Variants in ADAT3 observed in about 807,000 individuals in gnomAD.
ADAT3 encodes the protein tRNA-specific adenosine-34 deaminase regulatory subunit ADAT3.
ADAT3 carries 2 observed loss-of-function variants against 3.5 expected under a neutral mutation model. The observed-to-expected ratio is 0.57, with a 90% CI of 0.23 to 1.79. The LOEUF (loss-of-function observed/expected upper bound fraction) is 1.79, where lower values mean the gene tolerates loss of function less well. Ranked by LOEUF, ADAT3 falls within the 40% of genes most tolerant of loss-of-function variation. The pLI is 0.18. For missense variants in ADAT3, 735 were observed against 571.4 expected, an observed-to-expected ratio of 1.29 and a Z score of -2.92; for synonymous variants, 358 against 270.3, an observed-to-expected ratio of 1.32 and a Z score of -3.18.
chr19:1,910,789 C>A (rs1206506981), intron 1 of ADAT3, among the ~76,000 whole-genome samples: 1 of 151,456 alleles, frequency 6.6e-6, no homozygotes, highest in Non-Finnish European at 1.5e-5. Context: ...GTTGGTCAGG[C>A]TGGTCTCGAT....
chr19:1,905,531 G>A, intron 1 of ADAT3, 92 bp downstream of exon 1: 1 of 349,748 alleles, frequency 2.9e-6, no homozygotes, highest in South Asian at 1.9e-5. Flanking sequence ...CGGCGGTGAG[G>A]GGCGCCGGCC....
At chr19:1,907,397 A>T (rs2013183511) in intron 1 of ADAT3, among the ~76,000 whole-genome samples, 1 of 151,468 alleles carries the variant, frequency 6.6e-6, no homozygotes, top group Non-Finnish European at 1.5e-5. Context: ...GCCTTAAAAA[A>T]AAAAAAAAGG....
chr19:1,909,577 T>C (rs985019641), intron 1 of ADAT3, among the ~76,000 whole-genome samples: 3 of 99,788 alleles, frequency 3.0e-5, no homozygotes, highest in Non-Finnish European at 5.6e-5. Flanking sequence ...TGTCTTCACC[T>C]GTGCCAGCAG....
chr19:1,913,167 C>T lies in ADAT3; in HGVS notation c.*16C>T, dbSNP rs760052571. On this transcript the variant is annotated 3_prime_UTR_variant, in exon 2 of 2. Transcript: ENST00000329478. ...CGACACGTAGGCGCCGCCCTCCTGC[C>T]TCCGGACCCTTCCCGCTCCCGGCCG... 13 of 1,506,750 alleles carry T rather than the reference C, an allele frequency of 8.6e-6. No individual in the cohort carries two copies. The African/African-American group carries it at 1.1e-4, about 13-fold the overall frequency. The allele number at this position is 1,506,750 out of a possible 1,614,324, so 93.3% of individuals were successfully genotyped here.
rs1216991983 is a variant in ADAT3 at position 1,912,596 on chromosome 19, G to A, written c.549G>A (p.Thr183=). 9 of 1,489,130 alleles carry A rather than the reference G, an allele frequency of 6.0e-6. No homozygotes were observed. The highest frequency in any genetic ancestry group is 1.5e-5 in the African/African-American group (1 of 68,386). 92.2% of individuals were successfully genotyped at this position (1,489,130 alleles called of 1,614,324 possible). Residue 183 remains threonine, a synonymous_variant, in exon 2 of 2, where the codon ACG becomes ACA. Coordinates refer to ENST00000329478, the MANE Select transcript of ADAT3 (RefSeq NM_138422.4). ...TSALAGRLFS[T]QERAAMQSHM... The stretch of plus-strand genomic sequence containing the variant: ...CCCTGGCTGGGCGGCTCTTCTCCAC[G>A]CAGGAGCGCGCCGCCATGCAGAGCC...
intron 1 of ADAT3, among the ~76,000 whole-genome samples, chr19:1,909,776 A>G (rs2013340210): frequency 6.6e-6 from 1 of 152,198 alleles, no homozygotes; most frequent in African/African-American, 2.4e-5. Flanking sequence ...GTGACTGAGT[A>G]AGCAGGGACA....
At chr19:1,909,888 T>C (rs920015092) in intron 1 of ADAT3, among the ~76,000 whole-genome samples, 4 of 152,218 alleles carry the variant, frequency 2.6e-5, no homozygotes, top group African/African-American at 9.6e-5. Flanking sequence ...GGGGCTGCGC[T>C]CCGGGGCTTA....
chr19:1,912,017 C>G lies in ADAT3; in HGVS notation c.-31C>G. ...CCACGGCCTCCCGGGACGGACTCCC[C>G]GGCTCTCCCCCAGCCGCCCGCAGCC... On this transcript the variant is annotated 5_prime_UTR_variant, in exon 2 of 2. Transcript: ENST00000329478. 1 of 1,419,280 alleles carries G rather than the reference C, an allele frequency of 7.0e-7. No homozygotes were observed. The highest frequency in any genetic ancestry group is 1.5e-5 in the South Asian group (1 of 65,676). 87.9% of individuals were successfully genotyped at this position (1,419,280 alleles called of 1,614,324 possible). A position where few individuals can be genotyped will look rare whatever the true frequency, so the allele number is the denominator to read the frequency against.
At chr19:1,911,697 A>T (rs988779107) in intron 1 of ADAT3, among the ~76,000 whole-genome samples, 193 bp from the exon 2 acceptor site, 1 of 152,288 alleles carries the variant, frequency 6.6e-6, no homozygotes, top group African/African-American at 2.4e-5. Context: ...GCATGAGAAT[A>T]GCTTGAACCC....
chr19:1,912,366 G>C lies in ADAT3; in HGVS notation c.319G>C (p.Glu107Gln). 1 of 1,527,154 alleles carries C rather than the reference G, an allele frequency of 6.5e-7. No individual in the cohort carries two copies. The highest frequency in any genetic ancestry group is 2.6e-5 in the East Asian group (1 of 38,920). 94.6% of individuals were successfully genotyped at this position (1,527,154 alleles called of 1,614,324 possible). ...CGATGCCGGCAGCCCCCACGCCCTG[G>C]AGATGCTGCTTTGCCTGGCTGGGCC... ...SRDAGSPHAL[E>Q]MLLCLAGPAS... Residue 107 changes from glutamate to glutamine, a missense_variant, in exon 2 of 2, where the codon GAG becomes CAG. Coordinates refer to ENST00000329478, the MANE Select transcript of ADAT3 (RefSeq NM_138422.4).
intron 1 of ADAT3, among the ~76,000 whole-genome samples, chr19:1,907,445 A>AG (rs1459360063): frequency 6.6e-6 from 1 of 150,422 alleles, no homozygotes; most frequent in African/African-American, 2.4e-5. Context: ...GTGGAAGCCG[A>AG]GGCTTGGAGG....
At chr19:1,911,644 G>A (rs758938145) in intron 1 of ADAT3, among the ~76,000 whole-genome samples, 5 of 152,164 alleles carry the variant, frequency 3.3e-5, no homozygotes, top group Non-Finnish European at 7.3e-5. Flanking sequence ...TTAGTCGGGC[G>A]TGGTGGCGCA....
rs756306772 is a variant in ADAT3, at chr19:1,908,538, A to G, written c.-159+3099A>G. On this transcript the variant is annotated intron_variant, in intron 1 of 1. Transcript: ENST00000329478. This position sits in a 1 kb window ranked among gnomAD's most constrained non-coding sequence, Gnocchi z 4.2. ...GATGTGTAGTCCAGGCTGGCAGTTCAGGATCACCCGGCTGGAGTCATTTTA... is the reference window on the plus strand; with the variant it reads ...GATGTGTAGTCCAGGCTGGCAGTTCGGGATCACCCGGCTGGAGTCATTTTA... 8.5e-6 allele frequency: 4 copies of G among 471,184 alleles called. No homozygotes were observed. The highest frequency in any genetic ancestry group is 6.5e-4 in the Middle Eastern group (2 of 3,078). The allele number at this position is 471,184 out of a possible 1,614,324, so 29.2% of individuals were successfully genotyped here. A position where few individuals can be genotyped will look rare whatever the true frequency, so the allele number is the denominator to read the frequency against.
chr19:1,912,962 G>A lies in ADAT3; in HGVS notation c.915G>A (p.Glu305=). Residue 305 remains glutamate (E), a synonymous_variant, in exon 2 of 2, where the codon GAG becomes GAA. Coordinates refer to ENST00000329478, the MANE Select transcript of ADAT3 (RefSeq NM_138422.4). ...CTGYDLYVTR[E]PCAMCAMALV... ...GCTACGACCTGTACGTGACCCGCGA[G>A]CCCTGCGCCATGTGCGCCATGGCCC... 1.2e-6 allele frequency: 2 copies of A among 1,610,198 alleles called. No homozygotes were observed. Among genetic ancestry groups the A allele is most frequent in the Non-Finnish European group, 1.7e-6 (2 of 1,179,370 alleles).
Position 1,913,376 on chromosome 19 carries a change from C to A in ADAT3, c.*225C>A. ...CGGTGCCCTTCTGCGGCCGCCCTTG[C>A]TGCGTTTGTGTCCCCTCTGTCTCGC... On this transcript the variant is annotated 3_prime_UTR_variant, in exon 2 of 2. Coordinates refer to ENST00000329478, the MANE Select transcript of ADAT3 (RefSeq NM_138422.4). 1 of 660,356 alleles carries A rather than the reference C, an allele frequency of 1.5e-6. No individual in the cohort carries two copies. The highest frequency in any genetic ancestry group is 2.6e-6 in the Non-Finnish European group (1 of 388,186). The allele number at this position is 660,356 out of a possible 1,614,324, so 40.9% of individuals were successfully genotyped here. A position where few individuals can be genotyped will look rare whatever the true frequency, so the allele number is the denominator to read the frequency against.
In ADAT3 at chr19:1,908,227, C is replaced by G. The variant is rs1358191958; in HGVS notation, c.-159+2788C>G. On this transcript the variant is annotated intron_variant, in intron 1 of 1. Transcript: ENST00000329478. The surrounding 1 kb of genome is among the most constrained non-coding windows in gnomAD (Gnocchi z 4.2). ...CACGGGGCCTCGGGCAGCGGCAGCA[C>G]CTGGCGCTGCCTCCGCGCTTCCTGC... 1.8e-5 allele frequency: 5 copies of G among 282,072 alleles called. No homozygotes were observed. The highest frequency in any genetic ancestry group is 5.0e-5 in the Admixed American group (1 of 20,114). The allele number at this position is 282,072 out of a possible 1,614,324, so 17.5% of individuals were successfully genotyped here.
In ADAT3 at chr19:1,913,273, C is replaced by T; in HGVS notation, c.*122C>T. 1 of 1,370,522 alleles carries T rather than the reference C, an allele frequency of 7.3e-7. No individual in the cohort carries two copies. Among genetic ancestry groups the T allele is most frequent in the Admixed American group, 2.9e-5 (1 of 34,968 alleles). 84.9% of individuals were successfully genotyped at this position (1,370,522 alleles called of 1,614,324 possible). On this transcript the variant is annotated 3_prime_UTR_variant, in exon 2 of 2. Coordinates refer to ENST00000329478, the MANE Select transcript of ADAT3 (RefSeq NM_138422.4). ...TGGATTTCAGGGACACATACCGCCT[C>T]CAGCGGGGAGCACGGGTGCTGCCTT...
At chr19:1,905,977 C>G in intron 1 of ADAT3, 1 of 152,346 alleles carries the variant, frequency 6.6e-6, no homozygotes, top group Non-Finnish European at 1.5e-5. Flanking sequence ...CCAGTTATCT[C>G]CCACACACTA....
chr19:1,912,195 G>T lies in ADAT3; in HGVS notation c.148G>T (p.Glu50Ter). 6.3e-7 allele frequency: 1 copy of T among 1,586,564 alleles called. No homozygotes were observed. Among genetic ancestry groups the T allele is most frequent in the Non-Finnish European group, 8.5e-7 (1 of 1,170,098 alleles). The change falls in exon 2 of 2, where the codon GAG becomes TAG. Residue 50 changes from glutamate to a stop codon, truncating the protein, a stop_gained. Transcript: ENST00000329478. LOFTEE classifies it low-confidence loss of function (END_TRUNC). ...GTGGCAGGCCCTCCCTGTCCTGTCCGAGAAGCAGTCAGGGGACGTGGAGCT... is the reference window on the plus strand; with the variant it reads ...GTGGCAGGCCCTCCCTGTCCTGTCCTAGAAGCAGTCAGGGGACGTGGAGCT... ...APWQALPVLS[E>*]KQSGDVELVL...
Sources: gnomAD v4.1 joint callset for allele counts (sites outside exome capture counted in the v4.1 genomes callset) on GRCh38, gnomAD v4.1.1 for gene constraint, Gnocchi (gnomAD v3.1) non-coding constraint, MANE v1.5 for transcripts, NCBI Gene and HGNC (gene_info 2026-07-23, HGNC 2026-07-21) for gene names.